Variants in ZDHHC6 observed in about 807,000 individuals in gnomAD.
The protein encoded by ZDHHC6 is palmitoyltransferase ZDHHC6.
A neutral mutation model predicts 57.8 loss-of-function variants in ZDHHC6; 32 were observed. That is an observed-to-expected ratio of 0.55 (90% CI 0.42 to 0.74). The LOEUF (loss-of-function observed/expected upper bound fraction) is 0.74, where lower values mean the gene tolerates loss of function less well. Ranked by LOEUF, ZDHHC6 falls within the 30% of genes least tolerant of loss-of-function variation. The pLI, the probability that ZDHHC6 is intolerant of heterozygous loss-of-function variation, is 0.00. For missense variants in ZDHHC6, 433 were observed against 500.7 expected, an observed-to-expected ratio of 0.86 and a Z score of 1.29; for synonymous variants, 128 against 158.0, an observed-to-expected ratio of 0.81 and a Z score of 1.42.
Position 112,442,317 on chromosome 10 carries a change from T to C in ZDHHC6, c.394A>G (p.Ile132Val), listed in dbSNP as rs1846192009. The change falls in exon 4 of 11, where the codon ATC (isoleucine) becomes GTC (valine). Residue 132 changes from isoleucine (I) to valine (V), a missense_variant. Physicochemically the swap from Ile to Val is conservative, Grantham distance 29 (BLOSUM62 3). Coordinates refer to ENST00000369405, the MANE Select transcript of ZDHHC6 (RefSeq NM_022494.3). ...TTTTGGTAACCACAACAGTTGTTGA[T>C]CCAAGGACAGTGATGGTCCATCTTC... ...VMKMDHHCPWINNCCGYQNHA... is the reference protein window; with the variant it reads ...VMKMDHHCPWVNNCCGYQNHA... The C allele has an allele frequency of 1.2e-6, 2 of 1,613,680 alleles. No homozygotes were observed. Among genetic ancestry groups the C allele is most frequent in the African/African-American group, 2.7e-5 (2 of 75,036 alleles).
downstream of ZDHHC6, chr10:112,426,859 G>T: frequency 6.2e-7 from 1 of 1,610,328 alleles, no homozygotes; most frequent in South Asian, 1.1e-5. Flanking sequence ...CTTTTGAACA[G>T]GTGTGTGCTA....
In ZDHHC6 at chr10:112,445,053, C is replaced by A. The variant is rs190748799; in HGVS notation, c.267+117G>T. The A allele has an allele frequency of 3.7e-5, 44 of 1,192,768 alleles. No individual in the cohort carries two copies. The East Asian group carries it at 1.1e-3, about 29-fold the overall frequency. 73.9% of individuals were successfully genotyped at this position (1,192,768 alleles called of 1,614,324 possible). A position where few individuals can be genotyped will look rare whatever the true frequency, so the allele number is the denominator to read the frequency against. On this transcript the variant is annotated intron_variant, in intron 2 of 10. Coordinates refer to ENST00000369405, the MANE Select transcript of ZDHHC6 (RefSeq NM_022494.3). ...AATGATCAGTGATTAGAGTAATATACTTAGTCTCTGTGAGGACAAACAGTA... is the reference window on the plus strand; with the variant it reads ...AATGATCAGTGATTAGAGTAATATAATTAGTCTCTGTGAGGACAAACAGTA...
At chr10:112,442,383 C>A in intron 3 of ZDHHC6, 32 bp from the exon 4 acceptor site, 1 of 1,589,710 alleles carries the variant, frequency 6.3e-7, no homozygotes. Flanking sequence ...AAACATGAGG[C>A]AGAAAATCCT....
At chr10:112,429,075 C>A (rs558828983), downstream of ZDHHC6, among the ~76,000 whole-genome samples, 20 of 152,328 alleles carry the variant, frequency 1.3e-4, no homozygotes, top group East Asian at 2.3e-3. Flanking sequence ...TAATAGTATT[C>A]TTTTCTGGCC....
At chr10:112,428,341 TAA>T (rs1334693429), downstream of ZDHHC6, 1 of 397,900 alleles carries the variant, frequency 2.5e-6, no homozygotes, top group African/African-American at 2.1e-5. Flanking sequence ...TTTCTACTTG[TAA>T]ATGTAAAGTC....
chr10:112,425,553 GTA>G (rs1844637854), downstream of ZDHHC6: 2 of 1,127,106 alleles, frequency 1.8e-6, no homozygotes, highest in African/African-American at 3.3e-5. Flanking sequence ...CAGGAAATTT[GTA>G]TAGTTGGGTT....
chr10:112,427,153 CA>C, downstream of ZDHHC6: 1 of 1,524,032 alleles, frequency 6.6e-7, no homozygotes. Flanking sequence ...ACAGAGCACT[CA>C]GGGGGCTCTG....
intron 6 of ZDHHC6, 38 bp downstream of exon 6, chr10:112,438,298 A>G (rs1339890839): frequency 1.2e-5 from 15 of 1,240,190 alleles, no homozygotes; most frequent in African/African-American, 3.1e-5. Context: ...TTATTAATAT[A>G]CTTTTTTAAT....
chr10:112,430,980 T>C, intron 10 of ZDHHC6, 73 bp from the exon 11 acceptor site: 1 of 1,235,328 alleles, frequency 8.1e-7, no homozygotes, highest in Non-Finnish European at 1.2e-6. Context: ...CAGTAAGTCC[T>C]ATTACTTCAA....
downstream of ZDHHC6, among the ~76,000 whole-genome samples, chr10:112,426,036 C>G (rs1188210712): frequency 2.0e-5 from 3 of 152,064 alleles, no homozygotes; most frequent in African/African-American, 7.2e-5. Context: ...GTTGAAGGAT[C>G]AGATTTGAAT....
chr10:112,443,670 G>A (rs1236225013), intron 2 of ZDHHC6, 64 bp from the exon 3 acceptor site: 6 of 1,330,032 alleles, frequency 4.5e-6, no homozygotes, highest in East Asian at 2.4e-5. Flanking sequence ...TGATTCCTAC[G>A]GTATGATTTT....
chr10:112,426,273 G>A (rs1374879428), downstream of ZDHHC6: 3 of 1,614,108 alleles, frequency 1.9e-6, no homozygotes, highest in Non-Finnish European at 8.5e-7. Flanking sequence ...CTTAGTAGGA[G>A]TGGTGGTTCC....
In ZDHHC6 at chr10:112,445,493, T is replaced by C. The variant is rs1413732004; in HGVS notation, c.-57A>G. The C allele has an allele frequency of 1.9e-6, 3 of 1,568,938 alleles. No homozygotes were observed. Among genetic ancestry groups the C allele is most frequent in the African/African-American group, 1.4e-5 (1 of 73,428 alleles). ...AAGAATTATAGATTTCCTTTTTCTG[T>C]GCGCACATTTCCATGTGCCACAAGT... On this transcript the variant is annotated 5_prime_UTR_variant, in exon 2 of 11. Transcript: ENST00000369405.
At chr10:112,426,981 T>A, downstream of ZDHHC6, 2 of 987,410 alleles carry the variant, frequency 2.0e-6, no homozygotes, top group Non-Finnish European at 3.1e-6. Flanking sequence ...TGCCATTAAC[T>A]ACAAAATGAC....
chr10:112,432,642 T>A lies in ZDHHC6; in HGVS notation c.946-121A>T, dbSNP rs1845152087. ...CCAGTGACAAGCCTTCTAGTTCCCC[T>A]TCTAGGGGAACCTCCCAGTTCCCCA... On this transcript the variant is annotated intron_variant, in intron 8 of 10. Coordinates refer to ENST00000369405, the MANE Select transcript of ZDHHC6 (RefSeq NM_022494.3). 2.4e-6 allele frequency: 3 copies of A among 1,257,106 alleles called. No individual in the cohort carries two copies. In the South Asian group the frequency reaches 4.8e-5, roughly 20 times the overall value. 77.9% of individuals were successfully genotyped at this position (1,257,106 alleles called of 1,614,324 possible).
At chr10:112,425,483 T>TA, downstream of ZDHHC6, 1 of 1,598,878 alleles carries the variant, frequency 6.3e-7, no homozygotes, top group Middle Eastern at 1.7e-4. Flanking sequence ...AGCTTACGGG[T>TA]AATATATCAT....
chr10:112,426,548 A>G (rs1376257266), downstream of ZDHHC6: 15 of 621,640 alleles, frequency 2.4e-5, no homozygotes, highest in Non-Finnish European at 3.7e-5. Context: ...TAATATGTTC[A>G]TTGTGGGAAA....
rs756605665 is a variant in ZDHHC6, at chr10:112,442,371, T to C, written c.360-20A>G. 4 of 1,596,574 alleles carry C rather than the reference T, an allele frequency of 2.5e-6. No homozygotes were observed. Among genetic ancestry groups the C allele is most frequent in the South Asian group, 1.1e-5 (1 of 87,458 alleles). Reference sequence around the variant, plus strand: ...ACACATCTAACAAGAAAAATTTACATAAAACATGAGGCAGAAAATCCTGTC... The same window carrying C: ...ACACATCTAACAAGAAAAATTTACACAAAACATGAGGCAGAAAATCCTGTC... On this transcript the variant is annotated intron_variant, in intron 3 of 10. Transcript: ENST00000369405.
At chr10:112,425,486 T>C, downstream of ZDHHC6, 1 of 1,598,290 alleles carries the variant, frequency 6.3e-7, no homozygotes, top group Non-Finnish European at 8.5e-7. Flanking sequence ...TTACGGGTAA[T>C]ATATCATTTT....
Sources: gnomAD v4.1 joint callset for allele counts (sites outside exome capture counted in the v4.1 genomes callset) on GRCh38, gnomAD v4.1.1 for gene constraint, MANE v1.5 for transcripts, NCBI Gene and HGNC (gene_info 2026-07-23, HGNC 2026-07-21) for gene names.